The following SNX31 variants were observed in gnomAD, a reference collection of about 807,000 sequenced individuals.
SNX31 encodes the protein sorting nexin-31.
SNX31 carries 58 observed loss-of-function variants against 65.4 expected under a neutral mutation model. The observed-to-expected ratio is 0.89, with a 90% CI of 0.72 to 1.10. SNX31 has a LOEUF of 1.10. Among genes scored for constraint, SNX31 ranks in the 50% least tolerant of loss-of-function variants. SNX31 has a pLI of 0.00. For synonymous variants in SNX31, 181 were observed against 190.1 expected, an observed-to-expected ratio of 0.95 and a Z score of 0.39; for missense variants, 523 against 529.7, an observed-to-expected ratio of 0.99 and a Z score of 0.12.
chr8:100,590,607 C>T (rs907941931), intron 10 of SNX31, among the ~76,000 whole-genome samples: 9 of 151,704 alleles, frequency 5.9e-5, no homozygotes, highest in Non-Finnish European at 4.4e-5. Flanking sequence ...GGTAAAACCC[C>T]ATCTCTACTA....
intron 10 of SNX31, 53 bp from the exon 11 acceptor site, chr8:100,589,032 G>A: frequency 7.0e-7 from 1 of 1,437,472 alleles, no homozygotes; most frequent in East Asian, 2.3e-5. Context: ...CTATTAATTT[G>A]CCGGGCACGG....
rs573219810 is a variant in SNX31, at chr8:100,641,992, T to C, written c.142-5981A>G. ...TACTCGGGAGGCTGAGGCAGGAGAA[T>C]GGCGCGAACCCGGGAGGCGGAGCTT... On this transcript the variant is annotated intron_variant, in intron 2 of 13. Coordinates refer to ENST00000311812, the MANE Select transcript of SNX31 (RefSeq NM_152628.4). 9.9e-4 allele frequency among the ~76,000 whole-genome samples: 150 copies of C among 151,898 alleles called. No individual in the cohort carries two copies. The Middle Eastern group carries it at 0.014, about 14-fold the overall frequency.
rs971633431 is a variant in SNX31, at chr8:100,573,611, T to C, written c.*254A>G. ...TTTATGAGACATTAAAAACAAACTC[T>C]ATACTGTCATGACGAAGTGCAAAAA... On this transcript the variant is annotated 3_prime_UTR_variant, in exon 14 of 14. Coordinates refer to ENST00000311812, the MANE Select transcript of SNX31 (RefSeq NM_152628.4). The C allele has an allele frequency of 3.5e-5, 10 of 282,752 alleles. No individual in the cohort carries two copies. Among genetic ancestry groups the C allele is most frequent in the African/African-American group, 2.2e-4 (10 of 46,018 alleles). The allele number at this position is 282,752 out of a possible 1,614,324, so 17.5% of individuals were successfully genotyped here. A position where few individuals can be genotyped will look rare whatever the true frequency, so the allele number is the denominator to read the frequency against.
chr8:100,579,272 C>T (rs905076013), intron 12 of SNX31, among the ~76,000 whole-genome samples: 2 of 152,144 alleles, frequency 1.3e-5, no homozygotes, highest in African/African-American at 4.8e-5. Context: ...TAAGCAATTT[C>T]TGACATAATC....
Position 100,618,062 on chromosome 8 carries a change from G to A in SNX31, c.322-332C>T, listed in dbSNP as rs550578147. On this transcript the variant is annotated intron_variant, in intron 4 of 13. Coordinates refer to ENST00000311812, the MANE Select transcript of SNX31 (RefSeq NM_152628.4). ...ATTACAGGCCTGAGCCACCACGCCC[G>A]GCCTCCACACCATTTTTTAAAGCTG... The A allele has an allele frequency of 8.4e-5, 83 of 985,192 alleles. No homozygotes were observed. The Admixed American group carries it at 9.2e-4, about 11-fold the overall frequency. 61.0% of individuals were successfully genotyped at this position (985,192 alleles called of 1,614,324 possible). A position where few individuals can be genotyped will look rare whatever the true frequency, so the allele number is the denominator to read the frequency against.
intron 10 of SNX31, among the ~76,000 whole-genome samples, chr8:100,593,513 G>A (rs944158616): frequency 6.6e-6 from 1 of 151,412 alleles, no homozygotes; most frequent in Non-Finnish European, 1.5e-5. Flanking sequence ...GAGTGCAGTG[G>A]CGTGATCTTG....
chr8:100,606,549 C>G (rs1816179415), intron 8 of SNX31, among the ~76,000 whole-genome samples: 1 of 152,142 alleles, frequency 6.6e-6, no homozygotes, highest in African/African-American at 2.4e-5. Context: ...CTCTGGTAAG[C>G]CAGGGTAACA....
In SNX31 at chr8:100,648,870, C is replaced by G. The variant is rs1819829930; in HGVS notation, c.141+404G>C. Among the ~76,000 whole-genome samples the G allele has an allele frequency of 2.0e-5, 3 of 152,354 alleles. No homozygotes were observed. The South Asian group carries it at 6.2e-4, about 32-fold the overall frequency. On this transcript the variant is annotated intron_variant, in intron 2 of 13. Coordinates refer to ENST00000311812, the MANE Select transcript of SNX31 (RefSeq NM_152628.4). The surrounding 1 kb of genome is among the most constrained non-coding windows in gnomAD (Gnocchi z 4.3). ...AGATTAAATACCCATGTACAAGACT[C>G]CAAAGACTCTAGGCCTTGATCTAGA...
At chr8:100,603,316 G>A (rs1489514280) in intron 8 of SNX31, among the ~76,000 whole-genome samples, 1 of 152,164 alleles carries the variant, frequency 6.6e-6, no homozygotes, top group Non-Finnish European at 1.5e-5. Flanking sequence ...AGGATAAACA[G>A]GAGTCACAGC....
At chr8:100,593,775 C>T (rs1456863130) in intron 10 of SNX31, among the ~76,000 whole-genome samples, 4 of 151,958 alleles carry the variant, frequency 2.6e-5, no homozygotes, top group Non-Finnish European at 5.9e-5. Context: ...TCCTAAGTCT[C>T]ATGCTCCATA....
intron 10 of SNX31, among the ~76,000 whole-genome samples, chr8:100,591,543 A>G (rs1424223127): frequency 1.3e-5 from 2 of 151,894 alleles, no homozygotes; most frequent in East Asian, 3.9e-4. Flanking sequence ...GCATCAAAAA[A>G]GTAAAACTGG....
At chr8:100,611,622 C>A (rs957757466) in intron 7 of SNX31, among the ~76,000 whole-genome samples, 1 of 152,158 alleles carries the variant, frequency 6.6e-6, no homozygotes, top group Admixed American at 6.5e-5. Context: ...GTGGTGTAAT[C>A]TTGGCTCACT....
In SNX31 at chr8:100,626,172, C is replaced by T. The variant is rs1818028688; in HGVS notation, c.321+4155G>A. On this transcript the variant is annotated intron_variant, in intron 4 of 13. Transcript: ENST00000311812. This position sits in a 1 kb window ranked among gnomAD's most constrained non-coding sequence, Gnocchi z 4.4. ...ACCCAGGAGGTGAAGGTAGTGACTACCTCATATCTATTAACATTGTGCCGG... is the reference window on the plus strand; with the variant it reads ...ACCCAGGAGGTGAAGGTAGTGACTATCTCATATCTATTAACATTGTGCCGG... Among the ~76,000 whole-genome samples, 1 of 152,106 alleles carries T rather than the reference C, an allele frequency of 6.6e-6. No individual in the cohort carries two copies. Among genetic ancestry groups the T allele is most frequent in the Non-Finnish European group, 1.5e-5 (1 of 68,010 alleles).
In SNX31 at chr8:100,608,560, A is replaced by G. The variant is rs754438734; in HGVS notation, c.615T>C (p.Tyr205=). Residue 205 remains tyrosine, a synonymous_variant, in exon 8 of 14, where the codon TAT becomes TAC. Coordinates refer to ENST00000311812, the MANE Select transcript of SNX31 (RefSeq NM_152628.4). ...ENCKVGLRKW[Y]MAPSLDSVLM... ...GCACGGAGTCGAGGGATGGAGCCAT[A>G]TACCTGCAAAATTCAGGAGTGTGAA... The G allele has an allele frequency of 6.2e-7, 1 of 1,613,840 alleles. No individual in the cohort carries two copies. Among genetic ancestry groups the G allele is most frequent in the Admixed American group, 1.7e-5 (1 of 60,010 alleles).
Position 100,596,827 on chromosome 8 carries a change from G to C in SNX31, c.790C>G (p.Arg264Gly). Residue 264 changes from arginine (R) to glycine (G), a missense_variant, in exon 10 of 14, where the codon CGG becomes GGG. Transcript: ENST00000311812. ...DSQTKFLELA[R>G]EVRHYGYLQL... ...AGGTATCCATAGTGCCGTACCTCCC[G>C]GGCCAGCTCCAAAAACTGCTCCAAA... The C allele has an allele frequency of 6.2e-7, 1 of 1,613,638 alleles. No individual in the cohort carries two copies. Among genetic ancestry groups the C allele is most frequent in the Admixed American group, 1.7e-5 (1 of 60,026 alleles).
upstream of SNX31, among the ~76,000 whole-genome samples, chr8:100,651,624 AG>A (rs1168968731): frequency 4.6e-5 from 7 of 152,304 alleles, no homozygotes; most frequent in East Asian, 1.3e-3. Context: ...AACATTATTG[AG>A]CTCCTTCTGT....
intron 2 of SNX31, among the ~76,000 whole-genome samples, chr8:100,636,744 G>A (rs188223987): frequency 1.3e-5 from 2 of 151,244 alleles, no homozygotes; most frequent in Non-Finnish European, 1.5e-5. Flanking sequence ...TTTTTGAGAC[G>A]GAGTTTCACT....
intron 2 of SNX31, among the ~76,000 whole-genome samples, chr8:100,636,429 T>A (rs1410679462): frequency 6.6e-6 from 1 of 152,212 alleles, no homozygotes; most frequent in East Asian, 1.9e-4. Context: ...TACAGCTGTG[T>A]CACCTAAAGC....
intron 2 of SNX31, among the ~76,000 whole-genome samples, chr8:100,646,505 T>G (rs898026508): frequency 6.6e-6 from 1 of 152,230 alleles, no homozygotes; most frequent in Non-Finnish European, 1.5e-5. Flanking sequence ...AAAGCCTGGC[T>G]GCATCAATAC....
Sources: gnomAD v4.1 joint callset for allele counts (sites outside exome capture counted in the v4.1 genomes callset) on GRCh38, gnomAD v4.1.1 for gene constraint, Gnocchi (gnomAD v3.1) non-coding constraint, MANE v1.5 for transcripts, NCBI Gene and HGNC (gene_info 2026-07-23, HGNC 2026-07-21) for gene names.